Variants in AFAP1L1 observed in about 807,000 individuals in gnomAD.
AFAP1L1 encodes the protein actin filament-associated protein 1-like 1.
In AFAP1L1, 77 loss-of-function variants were observed where a neutral mutation model predicts 99.8. That is an observed-to-expected ratio of 0.77 (90% CI 0.64 to 0.93). AFAP1L1 has a LOEUF of 0.93. AFAP1L1 is among the 40% of genes least tolerant of loss of function. The probability of loss-of-function intolerance (pLI) is 0.00; values close to 1 mark genes in which losing one functional copy is unlikely to be tolerated. For synonymous variants in AFAP1L1, 373 were observed against 395.3 expected, an observed-to-expected ratio of 0.94 and a Z score of 0.67; for missense variants, 893 against 996.8, an observed-to-expected ratio of 0.90 and a Z score of 1.40.
At chr5:149,301,858 T>C (rs1252776433) in intron 4 of AFAP1L1, among the ~76,000 whole-genome samples, 1 of 152,264 alleles carries the variant, frequency 6.6e-6, no homozygotes, top group African/African-American at 2.4e-5. Flanking sequence ...GTCCTTTACA[T>C]GCTGACAGCA....
chr5:149,314,202 G>T (rs1756726758), intron 9 of AFAP1L1, among the ~76,000 whole-genome samples: 1 of 152,218 alleles, frequency 6.6e-6, no homozygotes, highest in South Asian at 2.1e-4. Flanking sequence ...GATGCAGGAG[G>T]AGAAGCTCAA....
chr5:149,341,874 C>T lies in AFAP1L1; in HGVS notation c.*1844C>T, dbSNP rs980086822. ...TACTTTTCAGTGTTCTTTTTTAAAA[C>T]GTGGATCCTGAAATGTCACCTAACT... is the stretch of plus-strand genomic sequence containing the variant. On this transcript the variant is annotated 3_prime_UTR_variant, in exon 19 of 19. Coordinates refer to ENST00000296721, the MANE Select transcript of AFAP1L1 (RefSeq NM_152406.4). 3 of 152,170 alleles carry T rather than the reference C, an allele frequency of 2.0e-5. No homozygotes were observed. The highest frequency in any genetic ancestry group is 4.8e-5 in the African/African-American group (2 of 41,438). 9.4% of individuals were successfully genotyped at this position (152,170 alleles called of 1,614,324 possible). A position where few individuals can be genotyped will look rare whatever the true frequency, so the allele number is the denominator to read the frequency against.
At chr5:149,334,337 G>A (rs1005187359) in intron 17 of AFAP1L1, among the ~76,000 whole-genome samples, 3 of 152,198 alleles carry the variant, frequency 2.0e-5, no homozygotes, top group Admixed American at 6.5e-5. Flanking sequence ...CAGAGGGCTG[G>A]TGGAGGAGCT....
intron 1 of AFAP1L1, among the ~76,000 whole-genome samples, chr5:149,288,504 G>T (rs906091833): frequency 1.3e-5 from 2 of 152,164 alleles, no homozygotes; most frequent in Admixed American, 1.3e-4. Context: ...TTACTCCCTG[G>T]GACTACTCTG....
chr5:149,310,937 G>GT (rs986373707), intron 8 of AFAP1L1, among the ~76,000 whole-genome samples: 9 of 152,174 alleles, frequency 5.9e-5, no homozygotes, highest in African/African-American at 1.9e-4. Flanking sequence ...CTCTGTGCCT[G>GT]TTTTTTTCAT....
chr5:149,290,363 G>A (rs1032566031), intron 1 of AFAP1L1, among the ~76,000 whole-genome samples: 5 of 152,198 alleles, frequency 3.3e-5, no homozygotes, highest in Non-Finnish European at 5.9e-5. Flanking sequence ...GACTCTGTTC[G>A]AGGCACATTC....
Position 149,322,688 on chromosome 5 carries a change from C to T in AFAP1L1, c.1781C>T (p.Pro594Leu), listed in dbSNP as rs774281613. The change falls in exon 15 of 19, where the codon CCG becomes CTG. Residue 594 changes from proline to leucine, a missense_variant. Physicochemically the swap from Pro to Leu is moderately conservative, Grantham distance 98 (BLOSUM62 -3). Transcript: ENST00000296721. ...AGTGAGAAGTCCCATCGTGTGGACC[C>T]GCAGGTCAAAGTCAAACGCCACGCC... ...SCSEKSHRVD[P>L]QVKVKRHASS... 7.6e-5 allele frequency: 121 copies of T among 1,590,796 alleles called. No homozygotes were observed. The highest frequency in any genetic ancestry group is 1.7e-4 in the Middle Eastern group (1 of 6,054).
At chr5:149,332,266 G>A (rs926017792) in intron 16 of AFAP1L1, among the ~76,000 whole-genome samples, 9 of 152,174 alleles carry the variant, frequency 5.9e-5, no homozygotes, top group Non-Finnish European at 1.2e-4. Flanking sequence ...GTGTGCTGGC[G>A]TGTGCCTGTA....
At chr5:149,313,559 CCT>C (rs1756704235) in intron 9 of AFAP1L1, among the ~76,000 whole-genome samples, 1 of 152,164 alleles carries the variant, frequency 6.6e-6, no homozygotes. Context: ...TGCTGCCCCT[CCT>C]CTCAAGGCCA....
intron 1 of AFAP1L1, among the ~76,000 whole-genome samples, chr5:149,287,358 G>T (rs1257380073): frequency 6.6e-6 from 1 of 152,150 alleles, no homozygotes; most frequent in South Asian, 2.1e-4. Flanking sequence ...GTGAGATTGG[G>T]CAGGGTAGGC....
At chr5:149,310,247 A>G in intron 8 of AFAP1L1, 112 bp downstream of exon 8, 1 of 1,343,186 alleles carries the variant, frequency 7.4e-7, no homozygotes, top group South Asian at 1.5e-5. Context: ...TCAGTGCCTG[A>G]GCCCAAGTGC....
intron 1 of AFAP1L1, among the ~76,000 whole-genome samples, chr5:149,279,872 C>T (rs1199636845): frequency 6.6e-6 from 1 of 152,240 alleles, no homozygotes; most frequent in African/African-American, 2.4e-5. Context: ...GTTTCCCAAT[C>T]TCCCAAGATA....
At position 149,312,569 on chromosome 5, in the gene AFAP1L1, C is replaced by G. The variant is rs1298377080; in HGVS notation, c.1020+365C>G. 2.0e-5 allele frequency among the ~76,000 whole-genome samples: 3 copies of G among 151,462 alleles called. No homozygotes were observed. The East Asian group carries it at 5.8e-4, about 29-fold the overall frequency. Reference sequence around the variant, plus strand: ...GGCCAAGGTGGGCACATCACTTGAGCCCCGGAGTTCAAGACCAGCCTGGAC... The same window carrying G: ...GGCCAAGGTGGGCACATCACTTGAGGCCCGGAGTTCAAGACCAGCCTGGAC... On this transcript the variant is annotated intron_variant, in intron 9 of 18. Transcript: ENST00000296721.
chr5:149,337,819 A>G (rs1757447636), intron 18 of AFAP1L1, among the ~76,000 whole-genome samples: 1 of 152,178 alleles, frequency 6.6e-6, no homozygotes, highest in South Asian at 2.1e-4. Context: ...GGTTGGAGCA[A>G]TATACACAGT....
intron 18 of AFAP1L1, among the ~76,000 whole-genome samples, chr5:149,336,997 A>G (rs1015452661): frequency 6.6e-6 from 1 of 152,236 alleles, no homozygotes; most frequent in East Asian, 1.9e-4. Flanking sequence ...AGACAGTTTG[A>G]TATAGAAGGA....
rs1324292295 is a variant in AFAP1L1 at position 149,341,822 on chromosome 5, CTG to C, written c.*1796_*1797del. ...TATCAGAAATGTCTGACTCACAAGCCTGTGTTCTTTCCACTGAAGAGGAAATT... is the reference window on the plus strand; with the variant it reads ...TATCAGAAATGTCTGACTCACAAGCCTGTTCTTTCCACTGAAGAGGAAATT... On this transcript the variant is annotated 3_prime_UTR_variant, in exon 19 of 19. Transcript: ENST00000296721. 6.6e-6 allele frequency: 1 copy of C among 152,156 alleles called. No homozygotes were observed. The highest frequency in any genetic ancestry group is 2.4e-5 in the African/African-American group (1 of 41,428). 9.4% of individuals were successfully genotyped at this position (152,156 alleles called of 1,614,324 possible).
chr5:149,322,917 A>C lies in AFAP1L1; in HGVS notation c.1810+200A>C, dbSNP rs151202234. Among the ~76,000 whole-genome samples, 1,135 of 152,240 alleles carry C rather than the reference A, an allele frequency of 7.5e-3. 56 individuals are homozygous for C. The highest frequency in any genetic ancestry group is 0.069 in the Admixed American group (1,048 of 15,284). On this transcript the variant is annotated intron_variant, in intron 15 of 18. Transcript: ENST00000296721. The stretch of plus-strand genomic sequence containing the variant: ...AGCATGTGGCCTCAGAGGGAAAATG[A>C]CAGGGAGTTGGGGGGTGGGGAGGTA...
rs72837088 is a variant in AFAP1L1, at chr5:149,285,546, C to T, written c.16+13562C>T. Among the ~76,000 whole-genome samples, 840 of 152,266 alleles carry T rather than the reference C, an allele frequency of 5.5e-3. 4 individuals are homozygous for T. Among genetic ancestry groups the T allele is most frequent in the Middle Eastern group, 0.01 (3 of 294 alleles). On this transcript the variant is annotated intron_variant, in intron 1 of 18. Transcript: ENST00000296721. ...CAAATCCCAAGTTTGATGTTGGATA[C>T]ATCTCACCTGGGTTCACAATGCCAC...
chr5:149,322,252 T>A (rs1015948526), intron 14 of AFAP1L1, among the ~76,000 whole-genome samples: 2 of 152,204 alleles, frequency 1.3e-5, no homozygotes, highest in Admixed American at 6.5e-5. Context: ...AAGACTGTTT[T>A]CTTTTTGAGG....
Sources: allele counts gnomAD v4.1 joint callset (sites outside exome capture counted in the v4.1 genomes callset), GRCh38; gene constraint gnomAD v4.1.1; transcripts MANE v1.5; gene names NCBI Gene and HGNC (gene_info 2026-07-23, HGNC 2026-07-21).